The following ASTN2 variants were observed in gnomAD, a reference collection of about 807,000 sequenced individuals.
The protein encoded by ASTN2 is astrotactin-2.
Under a neutral mutation model 139.8 loss-of-function variants are expected in ASTN2, and 54 were observed. The observed-to-expected ratio is 0.39, with a 90% confidence interval of 0.31 to 0.48. The LOEUF is 0.48. Ranked by LOEUF, ASTN2 falls within the 20% of genes least tolerant of loss-of-function variation. The pLI is 0.95. For synonymous variants in ASTN2, 756 were observed against 719.5 expected (o/e 1.05, Z -0.81); for missense variants, 1,565 against 1,725.1 (o/e 0.91, Z 1.64).
At chr9:117,406,901 A>C (rs1386810383) in intron 1 of ASTN2, among the ~76,000 whole-genome samples, 1 of 143,942 alleles carries the variant, frequency 6.9e-6, no homozygotes, top group Non-Finnish European at 1.5e-5. Context: ...CACACACACA[A>C]CACAGAGGGA....
intron 10 of ASTN2, among the ~76,000 whole-genome samples, chr9:116,956,753 T>C (rs562705760): frequency 3.3e-5 from 5 of 152,066 alleles, no homozygotes; most frequent in African/African-American, 1.2e-4. Flanking sequence ...GGTCAACGTA[T>C]AAAAGTCGAT....
chr9:116,999,213 T>A (rs1837110626), intron 7 of ASTN2, among the ~76,000 whole-genome samples: 1 of 152,194 alleles, frequency 6.6e-6, no homozygotes, highest in South Asian at 2.1e-4. Flanking sequence ...TAAAAGGTCA[T>A]AGAAACATGG....
intron 10 of ASTN2, among the ~76,000 whole-genome samples, chr9:116,882,491 G>A (rs999698084): frequency 6.6e-6 from 1 of 152,150 alleles, no homozygotes; most frequent in Admixed American, 6.6e-5. Context: ...GGAGGAGGAG[G>A]AGAGGTAGAG....
intron 11 of ASTN2, among the ~76,000 whole-genome samples, chr9:116,841,577 T>A (rs1460150411): frequency 6.6e-6 from 1 of 152,014 alleles, no homozygotes; most frequent in African/African-American, 2.4e-5. Flanking sequence ...ATAACGAGAC[T>A]AAACACATAA....
intron 3 of ASTN2, among the ~76,000 whole-genome samples, chr9:117,186,285 G>A (rs558477538): frequency 2.2e-3 from 339 of 152,282 alleles, no homozygotes; most frequent in African/African-American, 7.8e-3. Context: ...GGTGGCCCAC[G>A]CCTGTAATCC....
In ASTN2 at chr9:117,096,050, TGCG is replaced by T. The variant is rs776616012; in HGVS notation, c.1267_1269del (p.Arg423del). 3.3e-5 allele frequency: 54 copies of T among 1,613,998 alleles called. No individual in the cohort carries two copies. The African/African-American group carries it at 7.1e-4, about 21-fold the overall frequency. On this transcript the variant is annotated inframe_deletion, in exon 5 of 23. Transcript: ENST00000313400. ...CTTCCAAGGACACTATTACCTTTGC[TGCG>T]GCGGCGACTGCGGTACTGCTCCGTG...
At chr9:117,123,975 G>A (rs924542329) in intron 4 of ASTN2, among the ~76,000 whole-genome samples, 2 of 152,146 alleles carry the variant, frequency 1.3e-5, no homozygotes, top group Non-Finnish European at 2.9e-5. Flanking sequence ...TGCCTGGCAC[G>A]TAGCGTACAC....
At chr9:116,520,847 T>C (rs1587930034) in intron 19 of ASTN2, among the ~76,000 whole-genome samples, 1 of 152,236 alleles carries the variant, frequency 6.6e-6, no homozygotes, top group South Asian at 2.1e-4. Context: ...AGCACTGATA[T>C]ACAACAACAG....
chr9:117,254,152 G>A (rs1019201305), intron 2 of ASTN2, among the ~76,000 whole-genome samples: 1 of 152,000 alleles, frequency 6.6e-6, no homozygotes, highest in African/African-American at 2.4e-5. Flanking sequence ...CTGTCAAATG[G>A]GGCCAATAAT....
At chr9:117,184,649 T>C (rs532436030) in intron 3 of ASTN2, among the ~76,000 whole-genome samples, 2 of 152,278 alleles carry the variant, frequency 1.3e-5, no homozygotes, top group Admixed American at 6.5e-5. Flanking sequence ...TCTTCCTCTT[T>C]TCCTGGTTTT....
intron 1 of ASTN2, among the ~76,000 whole-genome samples, chr9:117,382,086 T>C (rs2130929866): frequency 6.6e-6 from 1 of 152,196 alleles, no homozygotes; most frequent in Admixed American, 6.5e-5. Context: ...CTCAGAATAA[T>C]GGGATGCTGA....
intron 19 of ASTN2, among the ~76,000 whole-genome samples, chr9:116,494,612 C>T (rs1290993860): frequency 6.6e-6 from 1 of 152,176 alleles, no homozygotes; most frequent in Non-Finnish European, 1.5e-5. Context: ...GCTTTTATTA[C>T]ATGGCATCAA....
chr9:117,076,348 A>G (rs2132717673), intron 5 of ASTN2, among the ~76,000 whole-genome samples: 1 of 152,108 alleles, frequency 6.6e-6, no homozygotes, highest in Non-Finnish European at 1.5e-5. Flanking sequence ...TGCCTGGCAC[A>G]CTGTAGGTCT....
rs201312583 is a variant in ASTN2, at chr9:116,502,694, G to A, written c.3356-15194C>T. Among the ~76,000 whole-genome samples, 360 of 23,122 alleles carry A rather than the reference G, an allele frequency of 0.016. 13 individuals carry two copies. The South Asian group carries it at 0.24, about 16-fold the overall frequency. 15.2% of individuals were successfully genotyped at this position (23,122 alleles called of 152,430 possible). A position where few individuals can be genotyped will look rare whatever the true frequency, so the allele number is the denominator to read the frequency against. Reference sequence around the variant, plus strand: ...AGGAAGAAAGGAAAGAAGGAAGGAAGGAAGGAAGGAAGGAAGGAAGGAAGG... The same window carrying A: ...AGGAAGAAAGGAAAGAAGGAAGGAAAGAAGGAAGGAAGGAAGGAAGGAAGG... On this transcript the variant is annotated intron_variant, in intron 19 of 22. Transcript: ENST00000313400.
intron 2 of ASTN2, among the ~76,000 whole-genome samples, chr9:117,259,429 A>T (rs1428062527): frequency 6.6e-6 from 1 of 152,104 alleles, no homozygotes; most frequent in African/African-American, 2.4e-5. Context: ...GACATACCTC[A>T]TTATGCCCTC....
chr9:116,862,661 G>C (rs1832912425), intron 11 of ASTN2, among the ~76,000 whole-genome samples: 1 of 152,154 alleles, frequency 6.6e-6, no homozygotes, highest in African/African-American at 2.4e-5. Flanking sequence ...TTAGGCTGTA[G>C]TGTAGATTGA....
chr9:116,507,271 A>G (rs2119166714), intron 19 of ASTN2, among the ~76,000 whole-genome samples: 1 of 152,278 alleles, frequency 6.6e-6, no homozygotes, highest in South Asian at 2.1e-4. Context: ...GCAGAGTTGA[A>G]ATATTGTCAC....
intron 17 of ASTN2, among the ~76,000 whole-genome samples, chr9:116,626,904 T>A (rs1210145577): frequency 6.6e-6 from 1 of 152,134 alleles, no homozygotes; most frequent in East Asian, 1.9e-4. Flanking sequence ...CTGGATAGGA[T>A]CTACCTGGGC....
intron 3 of ASTN2, among the ~76,000 whole-genome samples, chr9:117,161,025 G>A (rs1261739223): frequency 1.3e-5 from 2 of 151,988 alleles, no homozygotes; most frequent in African/African-American, 2.4e-5. Context: ...TCTGAGCTGT[G>A]AAATTTTGGC....
Sources: gnomAD v4.1 joint callset for allele counts (sites outside exome capture counted in the v4.1 genomes callset) on GRCh38, gnomAD v4.1.1 for gene constraint, MANE v1.5 for transcripts, NCBI Gene and HGNC (gene_info 2026-07-23, HGNC 2026-07-21) for gene names.